Variants in KRT23 observed in about 807,000 individuals in gnomAD.
The protein encoded by KRT23 is keratin 23.
A neutral mutation model predicts 47.6 loss-of-function variants in KRT23; 38 were observed. That is an observed-to-expected ratio of 0.80 (90% CI 0.62 to 1.05). The LOEUF (loss-of-function observed/expected upper bound fraction) is 1.05, where lower values mean the gene tolerates loss of function less well. KRT23 is among the 50% of genes least tolerant of loss of function. The pLI is 0.00. For missense variants in KRT23, 503 were observed against 529.5 expected (o/e 0.95, Z 0.49); for synonymous variants, 191 against 199.0 (o/e 0.96, Z 0.34).
intron 4 of KRT23, chr17:40,929,673 A>G (rs1909507408): frequency 2.6e-6 from 1 of 390,024 alleles, no homozygotes; most frequent in South Asian, 7.6e-5. Flanking sequence ...ATTAACAAGC[A>G]CATCTAGGTA....
At chr17:40,928,778 T>A in intron 4 of KRT23, 171 bp from the exon 5 acceptor site, 3 of 574,798 alleles carry the variant, frequency 5.2e-6, no homozygotes, top group South Asian at 2.6e-5. Flanking sequence ...GATAAAACAT[T>A]GTATACTTTT....
rs1448696764 is a variant in KRT23 at position 40,922,923 on chromosome 17, G to A, written c.*66C>T. On this transcript the variant is annotated 3_prime_UTR_variant, in exon 9 of 9. Coordinates refer to ENST00000209718, the MANE Select transcript of KRT23 (RefSeq NM_015515.5). Reference sequence around the variant, plus strand: ...GGTATCTTTTAGAACTCACTCACTGGTGTCTGTGCAAGGACTTTCCTTGGG... The same window carrying A: ...GGTATCTTTTAGAACTCACTCACTGATGTCTGTGCAAGGACTTTCCTTGGG... The A allele has an allele frequency of 1.8e-6, 2 of 1,087,794 alleles. No individual in the cohort carries two copies. Among genetic ancestry groups the A allele is most frequent in the Non-Finnish European group, 2.8e-6 (2 of 706,182 alleles). The allele number at this position is 1,087,794 out of a possible 1,614,324, so 67.4% of individuals were successfully genotyped here.
intron 6 of KRT23, among the ~76,000 whole-genome samples, chr17:40,926,509 C>T (rs995047912): frequency 2.6e-5 from 4 of 152,142 alleles, no homozygotes; most frequent in Non-Finnish European, 4.4e-5. Context: ...CCGCCCACTG[C>T]TCCCTACATT....
At chr17:40,923,779 C>T (rs1909068058) in intron 8 of KRT23, among the ~76,000 whole-genome samples, 1 of 152,210 alleles carries the variant, frequency 6.6e-6, no homozygotes, top group Non-Finnish European at 1.5e-5. Flanking sequence ...ATTACTCCAA[C>T]TGATTCTTTG....
At chr17:40,925,596 T>C (rs1567792367) in intron 6 of KRT23, 22 bp from the exon 7 acceptor site, 1 of 1,548,850 alleles carries the variant, frequency 6.5e-7, no homozygotes, top group South Asian at 1.1e-5. Flanking sequence ...AATGATCTTC[T>C]GTTAATTAAC....
chr17:40,931,243 C>T (rs1010381605), intron 3 of KRT23, 130 bp downstream of exon 3: 3 of 647,234 alleles, frequency 4.6e-6, no homozygotes, highest in Admixed American at 2.4e-5. Context: ...ATCTCTTGAC[C>T]TCGTGATCCG....
At chr17:40,932,458 C>T (rs569045738) in intron 2 of KRT23, among the ~76,000 whole-genome samples, 49 of 152,232 alleles carry the variant, frequency 3.2e-4, no homozygotes, top group African/African-American at 1.0e-3. Context: ...AATGCTTTTA[C>T]GCCAAGTGTT....
At chr17:40,936,139 A>G in intron 2 of KRT23, 69 bp downstream of exon 2, 1 of 1,569,454 alleles carries the variant, frequency 6.4e-7, no homozygotes, top group Admixed American at 1.7e-5. Flanking sequence ...TTCTGGACTC[A>G]TTTTTCCTCC....
chr17:40,929,931 G>C lies in KRT23; in HGVS notation c.636+9C>G. 1 of 1,613,176 alleles carries C rather than the reference G, an allele frequency of 6.2e-7. No homozygotes were observed. The highest frequency in any genetic ancestry group is 8.5e-7 in the Non-Finnish European group (1 of 1,179,570). On this transcript the variant is annotated intron_variant, in intron 4 of 8. Coordinates refer to ENST00000209718, the MANE Select transcript of KRT23 (RefSeq NM_015515.5). ...GTGCTTATTAGCAGGTGTTCCTGGG[G>C]AGTTGTACCTGCTCATGGTGCTTCT... is the stretch of plus-strand genomic sequence containing the variant.
rs1028627903 is a variant in KRT23 at position 40,936,572 on chromosome 17, G to A, written c.32C>T (p.Pro11Leu). ...TCCGGCGCCATGGAAGGAGGCCGAG[G>A]GGGTCTGGCTGAAGCTGTGTCCGGA... is the stretch of plus-strand genomic sequence containing the variant. MNSGHSFSQTPSASFHGAGGG... is the reference protein window; with the variant it reads MNSGHSFSQTLSASFHGAGGG... Residue 11 changes from proline to leucine, a missense_variant, in exon 2 of 9, where the codon CCC (proline) becomes CTC (leucine). By Grantham distance (98) the Pro-to-Leu change is moderately conservative. Coordinates refer to ENST00000209718, the MANE Select transcript of KRT23 (RefSeq NM_015515.5). 2 of 1,519,476 alleles carry A rather than the reference G, an allele frequency of 1.3e-6. No homozygotes were observed. Among genetic ancestry groups the A allele is most frequent in the Non-Finnish European group, 1.8e-6 (2 of 1,136,918 alleles). The allele number at this position is 1,519,476 out of a possible 1,614,324, so 94.1% of individuals were successfully genotyped here.
intron 4 of KRT23, 21 bp downstream of exon 4, chr17:40,929,917 CAG>C: frequency 6.2e-7 from 1 of 1,611,144 alleles, no homozygotes; most frequent in Non-Finnish European, 8.5e-7. Context: ...TGCTTATTAG[CAG>C]GTGTTCCTGG....
At chr17:40,932,967 C>T (rs1909800964) in intron 2 of KRT23, among the ~76,000 whole-genome samples, 2 of 152,100 alleles carry the variant, frequency 1.3e-5, no homozygotes, top group Admixed American at 1.3e-4. Flanking sequence ...ATAGCAATAA[C>T]AATAGTTACT....
rs1323229904 is a variant in KRT23 at position 40,935,959 on chromosome 17, C to A, written c.396+249G>T. 3.3e-5 allele frequency among the ~76,000 whole-genome samples: 5 copies of A among 152,154 alleles called. No individual in the cohort carries two copies. The East Asian group carries it at 9.6e-4, about 29-fold the overall frequency. Reference sequence around the variant, plus strand: ...GTCTCATTTTTGAAACAGTCTGTAGCACTTCTATCATTTTTGCTGCCTTCT... The same window carrying A: ...GTCTCATTTTTGAAACAGTCTGTAGAACTTCTATCATTTTTGCTGCCTTCT... On this transcript the variant is annotated intron_variant, in intron 2 of 8. Transcript: ENST00000209718.
chr17:40,929,022 G>A (rs1909438571), intron 4 of KRT23, among the ~76,000 whole-genome samples: 1 of 84,564 alleles, frequency 1.2e-5, no homozygotes, highest in Admixed American at 1.8e-4. Context: ...GTGAGACCCT[G>A]TCTCCAAAAA....
Position 40,928,265 on chromosome 17 carries a change from C to T in KRT23, c.894G>A (p.Glu298=), listed in dbSNP as rs148422038. The stretch of plus-strand genomic sequence containing the variant: ...TGCTGTACTGTGTCTGCAGGTCAAT[C>T]TCCAGGGCCTGGAATGTGCGCTTCA... ...HELKRTFQAL[E]IDLQTQYSTK... Residue 298 remains glutamate (E), a synonymous_variant, in exon 6 of 9, where the codon GAG becomes GAA. Transcript: ENST00000209718. 5.6e-6 allele frequency: 9 copies of T among 1,614,068 alleles called. No homozygotes were observed. The highest frequency in any genetic ancestry group is 6.8e-6 in the Non-Finnish European group (8 of 1,180,042).
intron 6 of KRT23, 51 bp from the exon 7 acceptor site, chr17:40,925,625 A>C: frequency 7.3e-7 from 1 of 1,360,994 alleles, no homozygotes; most frequent in Non-Finnish European, 1.0e-6. Context: ...TGATTGAGTC[A>C]ATAACAGGTG....
chr17:40,937,078 A>G (rs187704581), intron 1 of KRT23, 125 bp from the exon 2 acceptor site: 1 of 154,832 alleles, frequency 6.5e-6, no homozygotes, highest in African/African-American at 2.4e-5. Flanking sequence ...AAAACCAGAC[A>G]TTAAACAACA....
intron 3 of KRT23, among the ~76,000 whole-genome samples, chr17:40,930,547 C>T (rs1331037962): frequency 2.6e-5 from 4 of 152,100 alleles, no homozygotes; most frequent in East Asian, 3.9e-4. Flanking sequence ...GGGCGGATCA[C>T]GAGGCCAAGA....
rs776726634 is a variant in KRT23 at position 40,928,208 on chromosome 17, G to C, written c.921+30C>G. Reference sequence around the variant, plus strand: ...AAGGCTTCGTGAAGGAGGTGGTGTGGGATTCACGGTTTTCCTAGCCTTGAC... The same window carrying C: ...AAGGCTTCGTGAAGGAGGTGGTGTGCGATTCACGGTTTTCCTAGCCTTGAC... On this transcript the variant is annotated intron_variant, in intron 6 of 8. Transcript: ENST00000209718. The C allele has an allele frequency of 1.9e-6, 3 of 1,613,160 alleles. No homozygotes were observed. In the African/African-American group the frequency reaches 4.0e-5, roughly 22 times the overall value.
Sources: gnomAD v4.1 joint callset for allele counts (sites outside exome capture counted in the v4.1 genomes callset) on GRCh38, gnomAD v4.1.1 for gene constraint, MANE v1.5 for transcripts, NCBI Gene and HGNC (gene_info 2026-07-23, HGNC 2026-07-21) for gene names.